The following TRAM2 variants were observed in gnomAD, a reference collection of about 807,000 sequenced individuals.
TRAM2 encodes translocation associated membrane protein 2.
A neutral mutation model predicts 51.0 loss-of-function variants in TRAM2; 12 were observed. The observed-to-expected ratio is 0.24, with a 90% CI of 0.15 to 0.38. The LOEUF (loss-of-function observed/expected upper bound fraction) is 0.38. TRAM2 is among the 10% of genes least tolerant of loss of function. The pLI is 1.00. For synonymous variants in TRAM2, 175 were observed against 179.4 expected, an observed-to-expected ratio of 0.98 and a Z score of 0.20; for missense variants, 361 against 462.0, an observed-to-expected ratio of 0.78 and a Z score of 2.00.
chr6:52,572,785 A>G (rs1046211182), intron 1 of TRAM2, among the ~76,000 whole-genome samples: 1 of 152,228 alleles, frequency 6.6e-6, no homozygotes, highest in Non-Finnish European at 1.5e-5. Flanking sequence ...CATGGAAGCC[A>G]TGTACTAGCA....
At chr6:52,515,960 C>T in intron 4 of TRAM2, 46 bp downstream of exon 4, 1 of 1,549,670 alleles carries the variant, frequency 6.5e-7, no homozygotes, top group Non-Finnish European at 8.9e-7. Flanking sequence ...TGGAATTGCC[C>T]CTTGGTTTGA....
chr6:52,545,449 T>A (rs1581694839), intron 1 of TRAM2, among the ~76,000 whole-genome samples: 1 of 152,174 alleles, frequency 6.6e-6, no homozygotes, highest in African/African-American at 2.4e-5. Context: ...ATAATCTCTC[T>A]GTAAGAAAAT....
chr6:52,510,629 G>A (rs1407393757), intron 4 of TRAM2, among the ~76,000 whole-genome samples: 1 of 152,204 alleles, frequency 6.6e-6, no homozygotes, highest in Non-Finnish European at 1.5e-5. Flanking sequence ...GGGAAATGAA[G>A]ATGTCTGCTC....
In TRAM2 at chr6:52,508,282, G is replaced by A. The variant is rs1335510404; in HGVS notation, c.507C>T (p.Ala169=). 6.2e-7 allele frequency: 1 copy of A among 1,614,036 alleles called. No homozygotes were observed. Among genetic ancestry groups the A allele is most frequent in the Non-Finnish European group, 8.5e-7 (1 of 1,180,030 alleles). The change falls in exon 6 of 11, where the codon GCC becomes GCT. Residue 169 remains alanine (A), a synonymous_variant. Transcript: ENST00000182527. ...GCTCAGGAAGTGCGTGCAGCCAGTA[G>A]GCCAGCTGGCATAGGTAGAAAAACT... ...QVKFFYLCQL[A]YWLHALPELY...
chr6:52,532,021 C>A (rs1288215851), intron 2 of TRAM2, among the ~76,000 whole-genome samples: 1 of 152,170 alleles, frequency 6.6e-6, no homozygotes, highest in African/African-American at 2.4e-5. Context: ...CCACTACCCC[C>A]ACTCCGCCTT....
At position 52,522,911 on chromosome 6, in the gene TRAM2, G is replaced by T; in HGVS notation, c.185-6174C>A. The T allele has an allele frequency of 4.3e-6, 3 of 702,442 alleles. No individual in the cohort carries two copies. The South Asian group carries it at 4.4e-5, about 10-fold the overall frequency. 43.5% of individuals were successfully genotyped at this position (702,442 alleles called of 1,614,324 possible). On this transcript the variant is annotated intron_variant, in intron 2 of 10. Transcript: ENST00000182527. ...CACCTGCAAGCGGCTTCTCCTGCCTGCCTTTACATTTCCCAGTCCTGTCTG... is the reference window on the plus strand; with the variant it reads ...CACCTGCAAGCGGCTTCTCCTGCCTTCCTTTACATTTCCCAGTCCTGTCTG...
At chr6:52,574,695 T>G (rs752021274) in intron 1 of TRAM2, among the ~76,000 whole-genome samples, 2 of 152,226 alleles carry the variant, frequency 1.3e-5, no homozygotes, top group Non-Finnish European at 2.9e-5. Context: ...TTTCTCGTCT[T>G]GGGCCTTTCT....
At chr6:52,543,419 A>C (rs893427350) in intron 1 of TRAM2, among the ~76,000 whole-genome samples, 12 of 152,252 alleles carry the variant, frequency 7.9e-5, no homozygotes, top group Admixed American at 2.0e-4. Flanking sequence ...GGCAGAGTTC[A>C]TATTACTGGT....
chr6:52,536,120 T>C (rs1267239139), intron 1 of TRAM2, among the ~76,000 whole-genome samples: 1 of 152,210 alleles, frequency 6.6e-6, no homozygotes, highest in African/African-American at 2.4e-5. Context: ...AGCTCACAAG[T>C]GAATAGTACA....
At chr6:52,550,934 C>T (rs1411247122) in intron 1 of TRAM2, among the ~76,000 whole-genome samples, 5 of 152,174 alleles carry the variant, frequency 3.3e-5, no homozygotes, top group African/African-American at 1.2e-4. Flanking sequence ...CCTCATGAAA[C>T]GCATGGGAGG....
chr6:52,509,604 A>G lies in TRAM2; in HGVS notation c.412-18T>C. On this transcript the variant is annotated intron_variant, in intron 4 of 10. Transcript: ENST00000182527. Reference sequence around the variant, plus strand: ...TATCCTTCCTGCAGTGGGCAAGAAGAGAGACCATTTAGAGATGTGGACGTG... The same window carrying G: ...TATCCTTCCTGCAGTGGGCAAGAAGGGAGACCATTTAGAGATGTGGACGTG... The G allele has an allele frequency of 6.2e-7, 1 of 1,613,678 alleles. No individual in the cohort carries two copies. The highest frequency in any genetic ancestry group is 8.5e-7 in the Non-Finnish European group (1 of 1,179,722).
chr6:52,546,013 C>A (rs1425607052), intron 1 of TRAM2, among the ~76,000 whole-genome samples: 3 of 152,190 alleles, frequency 2.0e-5, no homozygotes, highest in Non-Finnish European at 2.9e-5. Flanking sequence ...ACAGAATCAT[C>A]ATTCTCACAG....
At chr6:52,555,625 A>G (rs1236386551) in intron 1 of TRAM2, among the ~76,000 whole-genome samples, 1 of 152,192 alleles carries the variant, frequency 6.6e-6, no homozygotes, top group Non-Finnish European at 1.5e-5. Flanking sequence ...CCATAACCAT[A>G]TGTTTTGGAC....
intron 1 of TRAM2, among the ~76,000 whole-genome samples, chr6:52,566,032 C>A (rs1767585015): frequency 6.6e-6 from 1 of 152,188 alleles, no homozygotes; most frequent in Non-Finnish European, 1.5e-5. Flanking sequence ...GACTGGGTCC[C>A]TACCTTTTAA....
rs201183470 is a variant in TRAM2 at position 52,516,007 on chromosome 6, G to T, written c.410C>A (p.Thr137Lys). The T allele has an allele frequency of 6.2e-7, 1 of 1,613,950 alleles. No individual in the cohort carries two copies. Among genetic ancestry groups the T allele is most frequent in the South Asian group, 1.1e-5 (1 of 91,064 alleles). ...SVIWCFYVVV[T>K]EGYLTNPRSL... Reference sequence around the variant, plus strand: ...TCAGCAGTCCTGAGAATGGCTCACCGTCACCACCACGTAGAAGCACCAAAT... The same window carrying T: ...TCAGCAGTCCTGAGAATGGCTCACCTTCACCACCACGTAGAAGCACCAAAT... Residue 137 changes from threonine to lysine, a missense_variant and splice_region_variant, in exon 4 of 11, where the codon ACG (threonine) becomes AAG (lysine). Thr to Lys is a moderately conservative substitution (Grantham distance 78). Transcript: ENST00000182527.
chr6:52,576,223 G>A (rs1465838842), intron 1 of TRAM2, among the ~76,000 whole-genome samples: 2 of 152,220 alleles, frequency 1.3e-5, no homozygotes, highest in African/African-American at 4.8e-5. Context: ...AAAAGTGGGA[G>A]CGAGACGAGA....
intron 7 of TRAM2, among the ~76,000 whole-genome samples, chr6:52,506,519 T>C (rs1766352933): frequency 6.6e-6 from 1 of 152,246 alleles, no homozygotes; most frequent in Non-Finnish European, 1.5e-5. Context: ...GTTCCTGTTG[T>C]CTGACTTTCC....
chr6:52,501,229 G>A lies in TRAM2; in HGVS notation c.*1968C>T, dbSNP rs997728227. 1 of 152,202 alleles carries A rather than the reference G, an allele frequency of 6.6e-6. No homozygotes were observed. Among genetic ancestry groups the A allele is most frequent in the African/African-American group, 2.4e-5 (1 of 41,456 alleles). The allele number at this position is 152,202 out of a possible 1,614,324, so 9.4% of individuals were successfully genotyped here. On this transcript the variant is annotated 3_prime_UTR_variant, in exon 11 of 11. Transcript: ENST00000182527. ...TCAAAAACACTGTCTCACTTCCTAAGGGTAATCAAAAGCAACCACGGGTAG... is the reference window on the plus strand; with the variant it reads ...TCAAAAACACTGTCTCACTTCCTAAAGGTAATCAAAAGCAACCACGGGTAG...
Position 52,518,370 on chromosome 6 carries a change from T to C in TRAM2, c.185-1633A>G, listed in dbSNP as rs533251118. ...CACCGTGGTGAGCGGCGGGCTGCTG[T>C]GCGTGGCCTTGTGTGCCATGTAAAA... On this transcript the variant is annotated intron_variant, in intron 2 of 10. Coordinates refer to ENST00000182527, the MANE Select transcript of TRAM2 (RefSeq NM_012288.4). Among the ~76,000 whole-genome samples, 411 of 152,294 alleles carry C rather than the reference T, an allele frequency of 2.7e-3. 3 individuals are homozygous for C. Among genetic ancestry groups the C allele is most frequent in the African/African-American group, 9.4e-3 (390 of 41,556 alleles).
Sources: gnomAD v4.1 joint callset for allele counts (sites outside exome capture counted in the v4.1 genomes callset) on GRCh38, gnomAD v4.1.1 for gene constraint, MANE v1.5 for transcripts, NCBI Gene and HGNC (gene_info 2026-07-23, HGNC 2026-07-21) for gene names.